The following MYBPC3 variants were observed in gnomAD, a reference collection of about 807,000 sequenced individuals.
MYBPC3 encodes the protein myosin binding protein C3, also known as myosin-binding protein C, cardiac-type.
In MYBPC3, 108 loss-of-function variants were observed where a neutral mutation model predicts 159.3. The ratio of observed to expected loss-of-function variants is 0.68; its 90% confidence interval spans 0.58 to 0.80. The LOEUF is 0.80. MYBPC3 is among the 30% of genes least tolerant of loss of function. The pLI is 0.00. For synonymous variants in MYBPC3, 730 were observed against 702.0 expected, an observed-to-expected ratio of 1.04 and a Z score of -0.63; for missense variants, 1,631 against 1,762.1, an observed-to-expected ratio of 0.93 and a Z score of 1.33.
At chr11:47,349,697 GC>G in intron 5 of MYBPC3, 76 bp downstream of exon 5, 1 of 1,517,676 alleles carries the variant, frequency 6.6e-7, no homozygotes. Context: ...GTCTCATGGT[GC>G]CCTCTGTGTG....
At position 47,339,346 on chromosome 11, in the gene MYBPC3, T is replaced by A. The variant is rs1270219308; in HGVS notation, c.2126A>T (p.Asp709Val). The A allele has an allele frequency of 1.2e-6, 2 of 1,613,882 alleles. No homozygotes were observed. The highest frequency in any genetic ancestry group is 1.7e-6 in the Non-Finnish European group (2 of 1,179,884). The change falls in exon 22 of 35, where the codon GAT becomes GTT. Residue 709 changes from aspartate (D) to valine (V), a missense_variant. Asp to Val is a radical substitution (Grantham distance 152). Coordinates refer to ENST00000545968, the MANE Select transcript of MYBPC3 (RefSeq NM_000256.3). ...PDAPEDTGDS[D>V]EWVFDKKLLC... ...CACCTTCTTGTCAAACACCCACTCA[T>A]CGCTGTCACCTGTGTCCTCTGGGGC...
At chr11:47,345,669 T>G (rs2095893398) in intron 12 of MYBPC3, among the ~76,000 whole-genome samples, 1 of 152,082 alleles carries the variant, frequency 6.6e-6, no homozygotes, top group Non-Finnish European at 1.5e-5. Context: ...CTCTCCTCTT[T>G]CCATCTGCCT....
chr11:47,348,411 A>G lies in MYBPC3; in HGVS notation c.772+13T>C. 1 of 1,500,914 alleles carries G rather than the reference A, an allele frequency of 6.7e-7. No individual in the cohort carries two copies. The highest frequency in any genetic ancestry group is 1.1e-5 in the South Asian group (1 of 87,448). 93.0% of individuals were successfully genotyped at this position (1,500,914 alleles called of 1,614,324 possible). ...GGAGCCCGAGCCCAGGACAGACACC[A>G]GGGCCCCCTCACCGTGGACAGTGAG... On this transcript the variant is annotated intron_variant, in intron 6 of 34. Transcript: ENST00000545968.
At chr11:47,341,366 T>A in intron 18 of MYBPC3, 122 bp from the exon 19 acceptor site, 2 of 677,336 alleles carry the variant, frequency 3.0e-6, no homozygotes, top group Non-Finnish European at 4.8e-6. Flanking sequence ...TTCTGATTTT[T>A]AAAAATGCCT....
intron 9 of MYBPC3, 184 bp from the exon 10 acceptor site, chr11:47,347,213 G>A (rs1409313361): frequency 7.1e-6 from 7 of 985,246 alleles, no homozygotes; most frequent in Non-Finnish European, 7.2e-6. Context: ...TGGAGTGGCC[G>A]TGGGGGACAC....
Position 47,338,133 on chromosome 11 carries a change from T to A in MYBPC3, c.2309-339A>T, listed in dbSNP as rs1343582229. On this transcript the variant is annotated intron_variant, in intron 23 of 34. Coordinates refer to ENST00000545968, the MANE Select transcript of MYBPC3 (RefSeq NM_000256.3). This position sits in a 1 kb window ranked among gnomAD's most constrained non-coding sequence, Gnocchi z 4.7. ...AACCCCACCCAGTCCTCTCCTGACA[T>A]GTTTCATTCATTCTCCACACCCAAA... Among the ~76,000 whole-genome samples the A allele has an allele frequency of 6.6e-6, 1 of 151,844 alleles. No homozygotes were observed. The highest frequency in any genetic ancestry group is 1.5e-5 in the Non-Finnish European group (1 of 67,958).
chr11:47,347,744 C>G, intron 7 of MYBPC3, 64 bp from the exon 8 acceptor site: 3 of 1,549,224 alleles, frequency 1.9e-6, no homozygotes, highest in Non-Finnish European at 2.6e-6. Context: ...GCAGCCCCCA[C>G]TGACTTCAGC....
rs777418402 is a variant in MYBPC3 at position 47,349,780 on chromosome 11, G to A, written c.648C>T (p.Ala216=). Reference sequence around the variant, plus strand: ...ACGACCCCGGTGGACCCACCTTGCTGGCGCGGTCGTAGCTGTCGTGCAGCT... The same window carrying A: ...ACGACCCCGGTGGACCCACCTTGCTAGCGCGGTCGTAGCTGTCGTGCAGCT... ...HLQLHDSYDR[A]SKVYLFELHI... Residue 216 remains alanine, a synonymous_variant, in exon 5 of 35, where the codon GCC becomes GCT. Transcript: ENST00000545968. The A allele has an allele frequency of 5.7e-5, 92 of 1,604,966 alleles. No homozygotes were observed. The highest frequency in any genetic ancestry group is 1.7e-4 in the Middle Eastern group (1 of 5,950).
chr11:47,338,875 C>T lies in MYBPC3; in HGVS notation c.2149-196G>A, dbSNP rs142380383. ...AGGGGCTCGGGTTCTAGCTTTGTCA[C>T]GGGACCTGGGGCAACCACCTGTCCT... On this transcript the variant is annotated intron_variant, in intron 22 of 34. Coordinates refer to ENST00000545968, the MANE Select transcript of MYBPC3 (RefSeq NM_000256.3). The surrounding 1 kb of genome is among the most constrained non-coding windows in gnomAD (Gnocchi z 4.7). 5.9e-5 allele frequency among the ~76,000 whole-genome samples: 9 copies of T among 152,246 alleles called. No individual in the cohort carries two copies. Among genetic ancestry groups the T allele is most frequent in the East Asian group, 3.9e-4 (2 of 5,178 alleles).
chr11:47,335,550 C>T, intron 26 of MYBPC3: 2 of 289,486 alleles, frequency 6.9e-6, no homozygotes, highest in South Asian at 1.7e-4. Context: ...TGGTCTCGAA[C>T]TCCCGACCTC....
At chr11:47,350,738 C>G in intron 2 of MYBPC3, 123 bp from the exon 3 acceptor site, 1 of 1,361,056 alleles carries the variant, frequency 7.3e-7, no homozygotes, top group African/African-American at 1.5e-5. Context: ...TGGCTGTCCT[C>G]CCGCTGCCTG....
rs780458215 is a variant in MYBPC3 at position 47,350,082 on chromosome 11, G to C, written c.437C>G (p.Thr146Ser). ...AATGGGGTCATCGGGGGCTCCAGGG[G>C]TAGGACCATTGAGAGCTGCTGAGCT... is the stretch of plus-strand genomic sequence containing the variant. ...GSSSAALNGP[T>S]PGAPDDPIGL... Residue 146 changes from threonine (T) to serine (S), a missense_variant, in exon 4 of 35, where the codon ACC becomes AGC. Transcript: ENST00000545968. The C allele has an allele frequency of 6.4e-7, 1 of 1,560,308 alleles. No homozygotes were observed. The highest frequency in any genetic ancestry group is 1.4e-5 in the African/African-American group (1 of 73,452).
intron 6 of MYBPC3, among the ~76,000 whole-genome samples, chr11:47,348,182 C>T (rs928079583): frequency 1.1e-4 from 17 of 152,270 alleles, no homozygotes; most frequent in African/African-American, 3.1e-4. Flanking sequence ...GGCCAGGAGC[C>T]GTGACACCAA....
At position 47,350,040 on chromosome 11, in the gene MYBPC3, C is replaced by T. The variant is rs730880617; in HGVS notation, c.479G>A (p.Arg160Gln). Residue 160 changes from arginine to glutamine, a missense_variant, in exon 4 of 35, where the codon CGG becomes CAG. Physicochemically the swap from Arg to Gln is conservative, Grantham distance 43. Coordinates refer to ENST00000545968, the MANE Select transcript of MYBPC3 (RefSeq NM_000256.3). ...CACGGTCACCTCGCCATCCTGTGGC[C>T]GCATCACGAAGAGGCCAATGGGGTC... ...PDDPIGLFVM[R>Q]PQDGEVTVGG... 2.8e-5 allele frequency: 43 copies of T among 1,563,050 alleles called. No individual in the cohort carries two copies. The highest frequency in any genetic ancestry group is 8.2e-5 in the African/African-American group (6 of 73,540).
rs2095881078 is a variant in MYBPC3, at chr11:47,335,167, G to A, written c.2780C>T (p.Thr927Ile). The A allele has an allele frequency of 6.2e-7, 1 of 1,612,120 alleles. No individual in the cohort carries two copies. The highest frequency in any genetic ancestry group is 8.5e-7 in the Non-Finnish European group (1 of 1,179,050). Residue 927 changes from threonine (T) to isoleucine (I), a missense_variant, in exon 27 of 35, where the codon ACA (threonine) becomes ATA (isoleucine). Coordinates refer to ENST00000545968, the MANE Select transcript of MYBPC3 (RefSeq NM_000256.3). ...VAALQGLTEH[T>I]SILVKDLPTG... is the part of the protein sequence containing the mutation. The stretch of plus-strand genomic sequence containing the variant: ...GGGCAGGTCCTTCACCAGTATCGAT[G>A]TGTGCTCTGTCAGCCCCTGCAGGGC...
chr11:47,351,633 C>G lies in MYBPC3; in HGVS notation c.26-128G>C. ...CCTCACGTAATACTCTACCAGTTCT[C>G]TGAGGTAGTTGCAGTTATTCTGTTC... is the stretch of plus-strand genomic sequence containing the variant. On this transcript the variant is annotated intron_variant, in intron 1 of 34. Coordinates refer to ENST00000545968, the MANE Select transcript of MYBPC3 (RefSeq NM_000256.3). This position sits in a 1 kb window ranked among gnomAD's most constrained non-coding sequence, Gnocchi z 4.2. 9.0e-7 allele frequency: 1 copy of G among 1,111,746 alleles called. No homozygotes were observed. Among genetic ancestry groups the G allele is most frequent in the South Asian group, 1.9e-5 (1 of 51,940 alleles). The allele number at this position is 1,111,746 out of a possible 1,614,324, so 68.9% of individuals were successfully genotyped here.
intron 19 of MYBPC3, 28 bp from the exon 20 acceptor site, chr11:47,341,060 C>T (rs777486001): frequency 2.3e-5 from 36 of 1,574,730 alleles, no homozygotes; most frequent in Middle Eastern, 1.7e-4. Flanking sequence ...GCAAGTAGCA[C>T]GGGGGCAAAG....
chr11:47,350,137 T>A (rs2095899096), intron 3 of MYBPC3, 25 bp from the exon 4 acceptor site: 2 of 1,546,938 alleles, frequency 1.3e-6, no homozygotes, highest in Admixed American at 3.9e-5. Flanking sequence ...TTTTTCTGTT[T>A]GTTTGAGATG....
In MYBPC3 at chr11:47,351,111, G is replaced by C. The variant is rs931056266; in HGVS notation, c.292+128C>G. 24 of 1,216,452 alleles carry C rather than the reference G, an allele frequency of 2.0e-5. No individual in the cohort carries two copies. Among genetic ancestry groups the C allele is most frequent in the Non-Finnish European group, 2.5e-5 (23 of 907,814 alleles). 75.4% of individuals were successfully genotyped at this position (1,216,452 alleles called of 1,614,324 possible). A position where few individuals can be genotyped will look rare whatever the true frequency, so the allele number is the denominator to read the frequency against. On this transcript the variant is annotated intron_variant, in intron 2 of 34. Coordinates refer to ENST00000545968, the MANE Select transcript of MYBPC3 (RefSeq NM_000256.3). This position sits in a 1 kb window ranked among gnomAD's most constrained non-coding sequence, Gnocchi z 4.2. ...AAAAGGGGGAAAGGGCGTTCCTGGC[G>C]GGGGGCACAGCCACAGCAAAGGCAA...
Sources: allele counts gnomAD v4.1 joint callset (sites outside exome capture counted in the v4.1 genomes callset), GRCh38; gene constraint gnomAD v4.1.1; non-coding constraint Gnocchi (gnomAD v3.1); transcripts MANE v1.5; gene names NCBI Gene and HGNC (gene_info 2026-07-23, HGNC 2026-07-21).